PCDHB11: variants seen among roughly 807,000 people sequenced by gnomAD.
PCDHB11 encodes the protein protocadherin beta 11.
For missense variants in PCDHB11, 1,151 were observed against 1,003.4 expected (o/e 1.15, Z -1.99); for synonymous variants, 522 against 442.0 (o/e 1.18, Z -2.27).
rs1563965360 is a variant in PCDHB11 at position 141,200,875 on chromosome 5, T to G, written c.1101T>G (p.Val367=). Residue 367 remains valine, a synonymous_variant, in exon 1 of 1, where the codon GTT becomes GTG. Transcript: ENST00000354757. ...PENTPETVVM[V]FSIQDIDSGD... ...ATACGCCAGAGACCGTGGTTATGGT[T>G]TTTAGTATCCAAGATATAGACTCTG... The G allele has an allele frequency of 6.2e-7, 1 of 1,614,156 alleles. No homozygotes were observed. The highest frequency in any genetic ancestry group is 8.5e-7 in the Non-Finnish European group (1 of 1,180,042).
rs1267630956 is a variant in PCDHB11, at chr5:141,201,213, C to G, written c.1439C>G (p.Ser480Ter). The G allele has an allele frequency of 2.5e-6, 4 of 1,613,122 alleles. No individual in the cohort carries two copies. In the African/African-American group the frequency reaches 5.3e-5, roughly 22 times the overall value. ...AGTGTCAGCGCTACAGACAGAGACTCAGGCACCAACGCCCAGGTCAACTAC... is the reference window on the plus strand; with the variant it reads ...AGTGTCAGCGCTACAGACAGAGACTGAGGCACCAACGCCCAGGTCAACTAC... Reference protein sequence around the residue: ...IGSVSATDRDSGTNAQVNYSL... With the variant: ...IGSVSATDRD The change falls in exon 1 of 1, where the codon TCA becomes TGA. Residue 480 changes from serine to a stop codon, truncating the protein, a stop_gained. Coordinates refer to ENST00000354757, the MANE Select transcript of PCDHB11 (RefSeq NM_018931.3). LOFTEE classifies it low-confidence loss of function (END_TRUNC).
Position 141,201,744 on chromosome 5 carries a change from C to G in PCDHB11, c.1970C>G (p.Thr657Arg). The G allele has an allele frequency of 1.2e-6, 2 of 1,608,642 alleles. No homozygotes were observed. The highest frequency in any genetic ancestry group is 1.7e-6 in the Non-Finnish European group (2 of 1,179,708). ...NGEPPRSATA[T>R]LQVLLVDGFS... is the part of the protein sequence containing the mutation. ...GAGCCTCCGCGCTCGGCCACCGCCA[C>G]GCTGCAAGTGCTCCTGGTGGACGGC... Residue 657 changes from threonine (T) to arginine (R), a missense_variant, in exon 1 of 1, where the codon ACG (threonine) becomes AGG (arginine). Coordinates refer to ENST00000354757, the MANE Select transcript of PCDHB11 (RefSeq NM_018931.3).
In PCDHB11 at chr5:141,199,747, T is replaced by C. The variant is rs782759539; in HGVS notation, c.-28T>C. The C allele has an allele frequency of 6.3e-7, 1 of 1,596,054 alleles. No individual in the cohort carries two copies. The highest frequency in any genetic ancestry group is 8.6e-7 in the Non-Finnish European group (1 of 1,168,612). ...ACGCGTTCCGCAGAGCTGAAGCCTT[T>C]CTTCAAGAAGCCTACAAGAAAGGAA... is the stretch of plus-strand genomic sequence containing the variant. On this transcript the variant is annotated 5_prime_UTR_variant, in exon 1 of 1. Coordinates refer to ENST00000354757, the MANE Select transcript of PCDHB11 (RefSeq NM_018931.3).
rs1324427959 is a variant in PCDHB11 at position 141,203,124 on chromosome 5, C to T, written c.*956C>T. 1 of 152,070 alleles carries T rather than the reference C, an allele frequency of 6.6e-6. No homozygotes were observed. The highest frequency in any genetic ancestry group is 1.9e-4 in the East Asian group (1 of 5,182). 9.4% of individuals were successfully genotyped at this position (152,070 alleles called of 1,614,324 possible). A position where few individuals can be genotyped will look rare whatever the true frequency, so the allele number is the denominator to read the frequency against. On this transcript the variant is annotated 3_prime_UTR_variant, in exon 1 of 1. Transcript: ENST00000354757. ...TTTTGTTTTTTGAGACGATGTTTCA[C>T]TCTTGTCGCCCAGGCTGGTGTGCAA...
In PCDHB11 at chr5:141,201,710, G is replaced by A. The variant is rs781914954; in HGVS notation, c.1936G>A (p.Asp646Asn). The A allele has an allele frequency of 2.3e-4, 369 of 1,607,342 alleles. No homozygotes were observed. Among genetic ancestry groups the A allele is most frequent in the Non-Finnish European group, 2.9e-4 (347 of 1,179,660 alleles). Residue 646 changes from aspartate to asparagine, a missense_variant, in exon 1 of 1, where the codon GAC (aspartate) becomes AAC (asparagine). Transcript: ENST00000354757. ...GCACAGGCTGGTGGTGCTGGTCAAG[G>A]ACAATGGCGAGCCTCCGCGCTCGGC... Reference protein sequence around the residue: ...AKHRLVVLVKDNGEPPRSATA... With the variant: ...AKHRLVVLVKNNGEPPRSATA...
rs1283381529 is a variant in PCDHB11, at chr5:141,199,717, CAG to C, written c.-54_-53del. On this transcript the variant is annotated 5_prime_UTR_variant, in exon 1 of 1. Coordinates refer to ENST00000354757, the MANE Select transcript of PCDHB11 (RefSeq NM_018931.3). ...ACCACAGAGGATTTGGTGGACAAGT[CAG>C]AGACGCGTTCCGCAGAGCTGAAGCC... 1 of 1,482,002 alleles carries C rather than the reference CAG, an allele frequency of 6.7e-7. No homozygotes were observed. Among genetic ancestry groups the C allele is most frequent in the African/African-American group, 1.4e-5 (1 of 71,348 alleles). 91.8% of individuals were successfully genotyped at this position (1,482,002 alleles called of 1,614,324 possible).
Position 141,200,978 on chromosome 5 carries a change from A to C in PCDHB11, c.1204A>C (p.Thr402Pro), listed in dbSNP as rs782170807. Residue 402 changes from threonine (T) to proline (P), a missense_variant, in exon 1 of 1, where the codon ACG becomes CCG. By Grantham distance (38) the Thr-to-Pro change is conservative. Coordinates refer to ENST00000354757, the MANE Select transcript of PCDHB11 (RefSeq NM_018931.3). ...AAAATCTTCAGTTGAGAATTACTAC[A>C]CGTTGGAAACAGAGAGACCACTGGA... ...VLKSSVENYY[T>P]LETERPLDRE... 1.2e-6 allele frequency: 2 copies of C among 1,614,148 alleles called. No homozygotes were observed. The highest frequency in any genetic ancestry group is 3.3e-5 in the Admixed American group (2 of 60,004).
rs1158034720 is a variant in PCDHB11, at chr5:141,201,733, G to A, written c.1959G>A (p.Ser653=). 1 of 1,607,766 alleles carries A rather than the reference G, an allele frequency of 6.2e-7. No homozygotes were observed. Among genetic ancestry groups the A allele is most frequent in the Admixed American group, 1.7e-5 (1 of 59,990 alleles). Residue 653 remains serine (S), a synonymous_variant, in exon 1 of 1, where the codon TCG becomes TCA. Coordinates refer to ENST00000354757, the MANE Select transcript of PCDHB11 (RefSeq NM_018931.3). The part of the protein sequence containing the change: ...LVKDNGEPPR[S]ATATLQVLLV... ...AGGACAATGGCGAGCCTCCGCGCTC[G>A]GCCACCGCCACGCTGCAAGTGCTCC...
chr5:141,201,157 C>G lies in PCDHB11; in HGVS notation c.1383C>G (p.Arg461=), dbSNP rs114264306. 6.9e-4 allele frequency: 1,114 copies of G among 1,613,758 alleles called. 9 individuals carry two copies. The African/African-American group carries it at 0.012, about 17-fold the overall frequency. ...FTQTSYTLFV[R]ENNSPALHIG... The stretch of plus-strand genomic sequence containing the variant: ...AAACCTCCTACACCCTGTTCGTCCG[C>G]GAGAACAACAGCCCCGCCCTGCACA... The change falls in exon 1 of 1, where the codon CGC becomes CGG. Residue 461 remains arginine, a synonymous_variant. Transcript: ENST00000354757.
rs533978807 is a variant in PCDHB11, at chr5:141,203,311, T to C, written c.*1143T>C. 6.6e-6 allele frequency: 1 copy of C among 151,868 alleles called. No homozygotes were observed. Among genetic ancestry groups the C allele is most frequent in the Admixed American group, 6.5e-5 (1 of 15,270 alleles). 9.4% of individuals were successfully genotyped at this position (151,868 alleles called of 1,614,324 possible). A position where few individuals can be genotyped will look rare whatever the true frequency, so the allele number is the denominator to read the frequency against. On this transcript the variant is annotated 3_prime_UTR_variant, in exon 1 of 1. Transcript: ENST00000354757. ...GGTCAGGCTGGTCTCTAACTCTTGA[T>C]ATCAGTGATCCGCCCGCCTCAGCCT...
At position 141,200,176 on chromosome 5, in the gene PCDHB11, G is replaced by C; in HGVS notation, c.402G>C (p.Ser134=). Residue 134 remains serine, a synonymous_variant, in exon 1 of 1, where the codon TCG becomes TCC. Transcript: ENST00000354757. The part of the protein sequence containing the change: ...RDINDHSPIF[S]EKQMLLEIPE... ...TAAATGATCACTCTCCCATCTTCTCGGAAAAACAAATGCTCCTAGAAATCC... is the reference window on the plus strand; with the variant it reads ...TAAATGATCACTCTCCCATCTTCTCCGAAAAACAAATGCTCCTAGAAATCC... 6.2e-7 allele frequency: 1 copy of C among 1,614,076 alleles called. No individual in the cohort carries two copies. The highest frequency in any genetic ancestry group is 2.2e-5 in the East Asian group (1 of 44,884).
rs1554285244 is a variant in PCDHB11, at chr5:141,200,237, G to A, written c.463G>A (p.Glu155Lys). Residue 155 changes from glutamate (E) to lysine (K), a missense_variant, in exon 1 of 1, where the codon GAA (glutamate) becomes AAA (lysine). Transcript: ENST00000354757. ...TCCCGTTGGTGCTGTGTTCTTACTA[G>A]AAAGTGCGAAGGATTTAGATGTAGG... ...NSPVGAVFLLESAKDLDVGIN... is the reference protein window; with the variant it reads ...NSPVGAVFLLKSAKDLDVGIN... The A allele has an allele frequency of 1.2e-6, 2 of 1,614,032 alleles. No individual in the cohort carries two copies. Among genetic ancestry groups the A allele is most frequent in the Non-Finnish European group, 1.7e-6 (2 of 1,180,042 alleles).
At position 141,202,455 on chromosome 5, in the gene PCDHB11, A is replaced by G. The variant is rs1588380974; in HGVS notation, c.*287A>G. On this transcript the variant is annotated 3_prime_UTR_variant, in exon 1 of 1. Coordinates refer to ENST00000354757, the MANE Select transcript of PCDHB11 (RefSeq NM_018931.3). ...GCTGGCATTACAGGCGCCCACCACC[A>G]CGCTCGGCTAAATTTTTTTTTTTTT... is the stretch of plus-strand genomic sequence containing the variant. 1 of 220,402 alleles carries G rather than the reference A, an allele frequency of 4.5e-6. No homozygotes were observed. The highest frequency in any genetic ancestry group is 8.7e-6 in the Non-Finnish European group (1 of 115,326). 13.7% of individuals were successfully genotyped at this position (220,402 alleles called of 1,614,324 possible). A position where few individuals can be genotyped will look rare whatever the true frequency, so the allele number is the denominator to read the frequency against.
chr5:141,199,941 T>C lies in PCDHB11; in HGVS notation c.167T>C (p.Val56Ala). The part of the protein sequence containing the change: ...GNLAKDLGLK[V>A]RELSSRGARV... ...CTGGCAAAGGACCTGGGGCTGAAGGTGAGAGAACTGTCCTCACGGGGGGCT... is the reference window on the plus strand; with the variant it reads ...CTGGCAAAGGACCTGGGGCTGAAGGCGAGAGAACTGTCCTCACGGGGGGCT... Residue 56 changes from valine to alanine, a missense_variant, in exon 1 of 1, where the codon GTG (valine) becomes GCG (alanine). By Grantham distance (64) the Val-to-Ala change is moderately conservative. Transcript: ENST00000354757. The C allele has an allele frequency of 6.2e-7, 1 of 1,614,062 alleles. No individual in the cohort carries two copies. The highest frequency in any genetic ancestry group is 8.5e-7 in the Non-Finnish European group (1 of 1,179,996).
At position 141,200,431 on chromosome 5, in the gene PCDHB11, C is replaced by T. The variant is rs1554285280; in HGVS notation, c.657C>T (p.Ser219=). ...TCCTCTCTGCTCTGGATGGTGGGTC[C>T]CCTCCCAGGTCTGGAACTGCCTTGG... is the stretch of plus-strand genomic sequence containing the variant. ...SFILSALDGG[S]PPRSGTALVR... is the part of the protein sequence containing the mutation. The change falls in exon 1 of 1, where the codon TCC becomes TCT. Residue 219 remains serine, a synonymous_variant. Transcript: ENST00000354757. 1 of 1,613,978 alleles carries T rather than the reference C, an allele frequency of 6.2e-7. No homozygotes were observed. Among genetic ancestry groups the T allele is most frequent in the Non-Finnish European group, 8.5e-7 (1 of 1,180,024 alleles).
chr5:141,201,859 C>T lies in PCDHB11; in HGVS notation c.2085C>T (p.Ala695=), dbSNP rs782617868. ...SLTVYLVVAL[A]SVSSLFLFSV... ...CCGTCTACTTGGTGGTGGCGTTGGC[C>T]TCGGTGTCTTCGCTCTTCCTCTTCT... Residue 695 remains alanine, a synonymous_variant, in exon 1 of 1, where the codon GCC becomes GCT. Transcript: ENST00000354757. 8.3e-5 allele frequency: 133 copies of T among 1,611,102 alleles called. No homozygotes were observed. Among genetic ancestry groups the T allele is most frequent in the Non-Finnish European group, 1.0e-4 (123 of 1,179,846 alleles).
In PCDHB11 at chr5:141,200,729, A is replaced by G. The variant is rs116534725; in HGVS notation, c.955A>G (p.Ile319Val). ...AACGATTGAGTCATACTCAATAATC[A>G]TTCAAGCCACAGATGGGGGAGGACT... ...FETIESYSII[I>V]QATDGGGLFG... Residue 319 changes from isoleucine (I) to valine (V), a missense_variant, in exon 1 of 1, where the codon ATT (isoleucine) becomes GTT (valine). By Grantham distance (29) the Ile-to-Val change is conservative. Coordinates refer to ENST00000354757, the MANE Select transcript of PCDHB11 (RefSeq NM_018931.3). 1.6e-5 allele frequency: 26 copies of G among 1,613,934 alleles called. No individual in the cohort carries two copies. The East Asian group carries it at 4.9e-4, about 30-fold the overall frequency.
rs782624093 is a variant in PCDHB11 at position 141,201,976 on chromosome 5, G to A, written c.2202G>A (p.Gly734=). The change falls in exon 1 of 1, where the codon GGG becomes GGA. Residue 734 remains glycine (G), a synonymous_variant. Transcript: ENST00000354757. ...CGGTGCCTAAGGGCCCCTTTCCAGG[G>A]CATCTGGTGGACGTGAGCGGCACCG... ...SCSVPKGPFP[G]HLVDVSGTGT... 8.1e-6 allele frequency: 13 copies of A among 1,614,068 alleles called. No individual in the cohort carries two copies. The highest frequency in any genetic ancestry group is 8.0e-5 in the African/African-American group (6 of 74,920).
rs542019168 is a variant in PCDHB11 at position 141,201,268 on chromosome 5, G to T, written c.1494G>T (p.Leu498=). 1.9e-6 allele frequency: 3 copies of T among 1,613,468 alleles called. No individual in the cohort carries two copies. The South Asian group carries it at 3.3e-5, about 18-fold the overall frequency. Residue 498 remains leucine (L), a synonymous_variant, in exon 1 of 1, where the codon CTG becomes CTT. Transcript: ENST00000354757. The part of the protein sequence containing the change: ...YSLLPPQDLH[L]PLASLVSINT... ...TACTCCCGCCCCAGGACCTGCACCT[G>T]CCCCTCGCCTCCCTGGTCTCCATCA...
Sources: gnomAD v4.1 joint callset for allele counts on GRCh38, gnomAD v4.1.1 for gene constraint, MANE v1.5 for transcripts, NCBI Gene and HGNC (gene_info 2026-07-23, HGNC 2026-07-21) for gene names.